Variants in URB2 observed in about 807,000 individuals in gnomAD.
The protein encoded by URB2 is unhealthy ribosome biogenesis protein 2 homolog.
URB2 carries 86 observed loss-of-function variants against 120.9 expected under a neutral mutation model. That is an observed-to-expected ratio of 0.71 (90% CI 0.60 to 0.85). The LOEUF (loss-of-function observed/expected upper bound fraction) is 0.85, where lower values mean the gene tolerates loss of function less well. Among genes scored for constraint, URB2 ranks in the 40% least tolerant of loss-of-function variants. The pLI is 0.00. For missense variants in URB2, 1,765 were observed against 1,836.5 expected, an observed-to-expected ratio of 0.96 and a Z score of 0.71; for synonymous variants, 755 against 758.4, an observed-to-expected ratio of 1.00 and a Z score of 0.07.
rs759447537 is a variant in URB2, at chr1:229,636,039, G to C, written c.1426G>C (p.Val476Leu). The C allele has an allele frequency of 6.2e-7, 1 of 1,614,126 alleles. No homozygotes were observed. The highest frequency in any genetic ancestry group is 8.5e-7 in the Non-Finnish European group (1 of 1,179,966). The change falls in exon 4 of 10, where the codon GTG becomes CTG. Residue 476 changes from valine (V) to leucine (L), a missense_variant. By Grantham distance (32) the Val-to-Leu change is conservative. Transcript: ENST00000258243. ...ACGGTTGTTTGAAGAGGTTTTGGGG[G>C]TGATCTGTCGTCCAGCTGCTGAGGC... is the stretch of plus-strand genomic sequence containing the variant. The part of the protein sequence containing the change: ...VPRLFEEVLG[V>L]ICRPAAEALR...
chr1:229,654,521 T>G (rs1362901478), intron 9 of URB2, 133 bp downstream of exon 9: 1 of 1,329,612 alleles, frequency 7.5e-7, no homozygotes, highest in Non-Finnish European at 1.0e-6. Context: ...TAGACAGGGT[T>G]TTGCTCTCTC....
At chr1:229,652,103 G>T (rs4925504) in intron 8 of URB2, among the ~76,000 whole-genome samples, 19,642 of 151,840 alleles carry the variant, frequency 0.13, 1,884 homozygotes, top group East Asian at 0.42. Context: ...AACTGCTTGA[G>T]CCCGGGAGGC....
rs143623987 is a variant in URB2, at chr1:229,652,448, A to G, written c.4237+1126A>G. On this transcript the variant is annotated intron_variant, in intron 8 of 9. Coordinates refer to ENST00000258243, the MANE Select transcript of URB2 (RefSeq NM_014777.4). ...TGGTTCAGTTTTGTAGACCTAAGCA[A>G]TAGGCTTTTAACCAGACATCTTTTG... Among the ~76,000 whole-genome samples the G allele has an allele frequency of 1.3e-4, 20 of 152,252 alleles. No individual in the cohort carries two copies. The East Asian group carries it at 3.9e-3, about 29-fold the overall frequency.
Position 229,654,266 on chromosome 1 carries a change from C to T in URB2, c.4255C>T (p.Pro1419Ser). The T allele has an allele frequency of 6.2e-7, 1 of 1,614,092 alleles. No individual in the cohort carries two copies. The highest frequency in any genetic ancestry group is 8.5e-7 in the Non-Finnish European group (1 of 1,179,998). Residue 1419 changes from proline to serine, a missense_variant, in exon 9 of 10, where the codon CCT becomes TCT. By Grantham distance (74) the Pro-to-Ser change is moderately conservative. Coordinates refer to ENST00000258243, the MANE Select transcript of URB2 (RefSeq NM_014777.4). ...GTCTGTAGGAAGCATAGATGACCTG[C>T]CTACGGTCCTAAAGTGTGCACGCCT... ...QKDKGSIDDL[P>S]TVLKCARLVE...
chr1:229,638,094 A>T lies in URB2; in HGVS notation c.3481A>T (p.Ile1161Leu). 1 of 1,614,176 alleles carries T rather than the reference A, an allele frequency of 6.2e-7. No individual in the cohort carries two copies. The highest frequency in any genetic ancestry group is 8.5e-7 in the Non-Finnish European group (1 of 1,180,012). ...CCTCTACCAGGGTGTTTACTCTCAG[A>T]TACTGTTGGAGTTGCCAGCTCTCGC... is the stretch of plus-strand genomic sequence containing the variant. ...VALYQGVYSQ[I>L]LLELPALAGH... The change falls in exon 4 of 10, where the codon ATA becomes TTA. Residue 1161 changes from isoleucine to leucine, a missense_variant. Ile to Leu is a conservative substitution (Grantham distance 5, BLOSUM62 2). Coordinates refer to ENST00000258243, the MANE Select transcript of URB2 (RefSeq NM_014777.4).
chr1:229,635,827 T>TA lies in URB2; in HGVS notation c.1215dup (p.Pro406ThrfsTer24). On this transcript the variant is annotated frameshift_variant, in exon 4 of 10. Coordinates refer to ENST00000258243, the MANE Select transcript of URB2 (RefSeq NM_014777.4). LOFTEE classifies it high-confidence loss of function. ...CTGATAAACCATGCACAAGCACCCA[T>TA]ACCGGCCTGGTTCCGCTGTCTGAAG... 2 of 1,614,108 alleles carry TA rather than the reference T, an allele frequency of 1.2e-6. No individual in the cohort carries two copies. Among genetic ancestry groups the TA allele is most frequent in the Non-Finnish European group, 1.7e-6 (2 of 1,179,970 alleles).
At chr1:229,626,657 G>T (rs1665490408) in intron 1 of URB2, among the ~76,000 whole-genome samples, 2 of 152,384 alleles carry the variant, frequency 1.3e-5, no homozygotes, top group South Asian at 2.1e-4. Context: ...CCTGGACTTC[G>T]CATTGCCCGG....
intron 5 of URB2, 117 bp downstream of exon 5, chr1:229,643,810 A>G: frequency 7.3e-7 from 1 of 1,362,238 alleles, no homozygotes; most frequent in African/African-American, 1.5e-5. Context: ...ACTGGTAGAG[A>G]CTCTAGGCAA....
In URB2 at chr1:229,637,235, A is replaced by C. The variant is rs577261788; in HGVS notation, c.2622A>C (p.Leu874Phe). 1 of 1,613,862 alleles carries C rather than the reference A, an allele frequency of 6.2e-7. No individual in the cohort carries two copies. The highest frequency in any genetic ancestry group is 1.3e-5 in the African/African-American group (1 of 75,064). The change falls in exon 4 of 10, where the codon TTA becomes TTC. Residue 874 changes from leucine to phenylalanine, a missense_variant. Physicochemically the swap from Leu to Phe is conservative, Grantham distance 22. Coordinates refer to ENST00000258243, the MANE Select transcript of URB2 (RefSeq NM_014777.4). ...CTAGAGGAGAAATTGCCCAGAACTT[A>C]CTGTCCCTGGTCAAGAGTGACTTCC... Reference protein sequence around the residue: ...IEPRGEIAQNLLSLVKSDFPI... With the variant: ...IEPRGEIAQNFLSLVKSDFPI...
chr1:229,647,203 C>T (rs1306141482), intron 6 of URB2, among the ~76,000 whole-genome samples: 1 of 152,176 alleles, frequency 6.6e-6, no homozygotes, highest in Non-Finnish European at 1.5e-5. Context: ...ACCCAAAAGG[C>T]CTCACCAGGG....
chr1:229,647,385 C>T, intron 6 of URB2, 125 bp from the exon 7 acceptor site: 1 of 1,211,638 alleles, frequency 8.3e-7, no homozygotes. Flanking sequence ...TTTAACGGCC[C>T]ACGGACCACA....
chr1:229,652,897 G>A (rs1378496892), intron 8 of URB2, among the ~76,000 whole-genome samples: 1 of 152,254 alleles, frequency 6.6e-6, no homozygotes, highest in Non-Finnish European at 1.5e-5. Context: ...TCATGTGAAG[G>A]TAGCTTCGTC....
At position 229,636,482 on chromosome 1, in the gene URB2, C is replaced by G; in HGVS notation, c.1869C>G (p.Asn623Lys). ...WAQVDAMFSL[N>K]CSQYHSMSGP... ...AGGTGGACGCTATGTTCAGTTTGAA[C>G]TGTAGCCAGTATCACTCTATGTCTG... The change falls in exon 4 of 10, where the codon AAC (asparagine) becomes AAG (lysine). Residue 623 changes from asparagine (N) to lysine (K), a missense_variant. Physicochemically the swap from Asn to Lys is moderately conservative, Grantham distance 94. Transcript: ENST00000258243. The G allele has an allele frequency of 1.9e-6, 3 of 1,614,240 alleles. No homozygotes were observed. The highest frequency in any genetic ancestry group is 2.5e-6 in the Non-Finnish European group (3 of 1,180,044).
chr1:229,633,775 G>A (rs1665726031), intron 3 of URB2, among the ~76,000 whole-genome samples: 1 of 152,192 alleles, frequency 6.6e-6, no homozygotes, highest in Non-Finnish European at 1.5e-5. Flanking sequence ...TTGGAATTTT[G>A]AGAGCAGTAG....
In URB2 at chr1:229,659,198, G is replaced by A. The variant is rs1273268777; in HGVS notation, c.4476G>A (p.Ser1492=). 6.2e-7 allele frequency: 1 copy of A among 1,613,670 alleles called. No homozygotes were observed. The highest frequency in any genetic ancestry group is 1.7e-5 in the Admixed American group (1 of 60,008). Residue 1492 remains serine (S), a synonymous_variant, in exon 10 of 10, where the codon TCG becomes TCA. Transcript: ENST00000258243. ...IEPDVQFLRA[S]LQPGMRDIFK... is the part of the protein sequence containing the mutation. The stretch of plus-strand genomic sequence containing the variant: ...CTGACGTCCAGTTCCTGCGGGCCTC[G>A]CTGCAGCCGGGAATGAGAGACATCT...
At chr1:229,631,189 A>G (rs528486780) in intron 2 of URB2, among the ~76,000 whole-genome samples, 1 of 152,224 alleles carries the variant, frequency 6.6e-6, no homozygotes, top group South Asian at 2.1e-4. Context: ...GGTAGCTTCT[A>G]GCTTTTCCTC....
At chr1:229,641,605 A>G (rs550460020) in intron 4 of URB2, among the ~76,000 whole-genome samples, 1 of 152,300 alleles carries the variant, frequency 6.6e-6, no homozygotes, top group Admixed American at 6.5e-5. Flanking sequence ...GGCGCCGTGC[A>G]GGTGCCCCAG....
chr1:229,643,441 C>T (rs747970748), intron 4 of URB2, 92 bp from the exon 5 acceptor site: 46 of 1,459,290 alleles, frequency 3.2e-5, no homozygotes, highest in African/African-American at 5.6e-5. Flanking sequence ...TTTTTGATGG[C>T]GGCCACAGCT....
chr1:229,636,575 G>A lies in URB2; in HGVS notation c.1962G>A (p.Gln654=), dbSNP rs1244336244. ...CGTTGCTCCCAGGTGTAAAAACACA[G>A]CATTGGAAGAAGATAGAGAAGTTTA... ...LPSLLPGVKT[Q]HWKKIEKFTA... The change falls in exon 4 of 10, where the codon CAG becomes CAA. Residue 654 remains glutamine (Q), a synonymous_variant. Transcript: ENST00000258243. 6.2e-7 allele frequency: 1 copy of A among 1,614,164 alleles called. No homozygotes were observed. The highest frequency in any genetic ancestry group is 8.5e-7 in the Non-Finnish European group (1 of 1,179,978).
Sources: gnomAD v4.1 joint callset for allele counts (sites outside exome capture counted in the v4.1 genomes callset) on GRCh38, gnomAD v4.1.1 for gene constraint, MANE v1.5 for transcripts, NCBI Gene and HGNC (gene_info 2026-07-23, HGNC 2026-07-21) for gene names.